The following KIAA1549L variants were observed in gnomAD, a reference collection of about 807,000 sequenced individuals.
The protein encoded by KIAA1549L is KIAA1549 like, also known as UPF0606 protein KIAA1549L.
Under a neutral mutation model 160.7 loss-of-function variants are expected in KIAA1549L, and 88 were observed. The observed-to-expected ratio is 0.55, with a 90% confidence interval of 0.46 to 0.65. The LOEUF (loss-of-function observed/expected upper bound fraction) is 0.65. KIAA1549L is among the 30% of genes least tolerant of loss of function. KIAA1549L has a pLI of 0.00. For missense variants in KIAA1549L, 2,258 were observed against 2,437.5 expected (o/e 0.93, Z 1.55); for synonymous variants, 950 against 976.7 (o/e 0.97, Z 0.51).
chr11:33,618,839 G>C (rs1191256077), intron 16 of KIAA1549L, among the ~76,000 whole-genome samples, 177 bp downstream of exon 16: 1 of 152,230 alleles, frequency 6.6e-6, no homozygotes, highest in Non-Finnish European at 1.5e-5. Context: ...GAATGTGTCA[G>C]AGTAACAGAT....
intron 1 of KIAA1549L, chr11:33,403,233 AAACACACATATG>A (rs1850541530): frequency 4.8e-5 from 7 of 145,002 alleles, no homozygotes; most frequent in East Asian, 2.0e-4. Flanking sequence ...ACACAGACAC[AAACACACATATG>A]CAGACACACA....
chr11:33,568,969 A>C (rs1330117850), intron 9 of KIAA1549L, among the ~76,000 whole-genome samples: 1 of 152,166 alleles, frequency 6.6e-6, no homozygotes, highest in Non-Finnish European at 1.5e-5. Context: ...GTTTTAGATC[A>C]TTTTCAGAGC....
chr11:33,599,090 C>T (rs112118523), intron 13 of KIAA1549L, 143 bp downstream of exon 13: 9 of 940,160 alleles, frequency 9.6e-6, no homozygotes, highest in Middle Eastern at 6.8e-4. Context: ...CCCACAAGGG[C>T]CAGGAGTCTG....
At chr11:33,544,495 A>G in intron 2 of KIAA1549L, 159 bp downstream of exon 2, 1 of 817,748 alleles carries the variant, frequency 1.2e-6, no homozygotes, top group Non-Finnish European at 1.9e-6. Context: ...CCAAGTAGTC[A>G]CCTCATTGAT....
intron 1 of KIAA1549L, among the ~76,000 whole-genome samples, chr11:33,399,987 C>T (rs767358956): frequency 1.3e-5 from 2 of 152,174 alleles, no homozygotes; most frequent in South Asian, 2.1e-4. Flanking sequence ...GCTAGGAAAT[C>T]GACTTTTAAT....
intron 17 of KIAA1549L, among the ~76,000 whole-genome samples, chr11:33,647,921 C>T (rs901656633): frequency 2.6e-5 from 4 of 152,168 alleles, no homozygotes; most frequent in African/African-American, 9.7e-5. Flanking sequence ...AATGAAGCCA[C>T]CTACAGTGGA....
intron 1 of KIAA1549L, among the ~76,000 whole-genome samples, chr11:33,436,400 A>T (rs746204312): frequency 4.6e-5 from 7 of 152,212 alleles, no homozygotes; most frequent in Non-Finnish European, 7.3e-5. Context: ...CCCAGCTTGA[A>T]GGCAGTCAGA....
intron 14 of KIAA1549L, among the ~76,000 whole-genome samples, chr11:33,608,243 G>C (rs896929702): frequency 6.6e-6 from 1 of 152,124 alleles, no homozygotes; most frequent in Non-Finnish European, 1.5e-5. Flanking sequence ...AGATCAAATT[G>C]TTTAATATAT....
chr11:33,573,073 T>G (rs1241102632), intron 9 of KIAA1549L, among the ~76,000 whole-genome samples: 2 of 152,234 alleles, frequency 1.3e-5, no homozygotes, highest in Non-Finnish European at 2.9e-5. Flanking sequence ...TCAGACATCT[T>G]CCTTTGTGAA....
At chr11:33,445,176 A>G (rs1465386392) in intron 1 of KIAA1549L, among the ~76,000 whole-genome samples, 4 of 152,180 alleles carry the variant, frequency 2.6e-5, no homozygotes, top group African/African-American at 7.2e-5. Flanking sequence ...ACCAAGAAGG[A>G]CTGAGTCTGA....
intron 1 of KIAA1549L, among the ~76,000 whole-genome samples, chr11:33,541,411 GTTC>G (rs1222461402): frequency 1.3e-5 from 2 of 152,190 alleles, no homozygotes; most frequent in Non-Finnish European, 2.9e-5. Flanking sequence ...TGAATACACA[GTTC>G]TTCTTTAGTT....
intron 3 of KIAA1549L, among the ~76,000 whole-genome samples, 172 bp downstream of exon 3, chr11:33,545,550 T>A (rs369342146): frequency 6.6e-6 from 1 of 152,222 alleles, no homozygotes; most frequent in South Asian, 2.1e-4. Context: ...TGGCTGGAGA[T>A]ACTACTAAAA....
At chr11:33,588,628 G>A (rs1425861274) in intron 11 of KIAA1549L, among the ~76,000 whole-genome samples, 7 of 152,158 alleles carry the variant, frequency 4.6e-5, no homozygotes, top group Admixed American at 4.6e-4. Context: ...ATTATGGAAG[G>A]AGCAGGCAAT....
At chr11:33,489,067 A>T (rs1472772809) in intron 1 of KIAA1549L, among the ~76,000 whole-genome samples, 1 of 152,210 alleles carries the variant, frequency 6.6e-6, no homozygotes, top group East Asian at 1.9e-4. Context: ...TCGTTGGGTG[A>T]TGCTAGCCAC....
At chr11:33,558,859 A>C (rs1854740670) in intron 6 of KIAA1549L, among the ~76,000 whole-genome samples, 1 of 148,660 alleles carries the variant, frequency 6.7e-6, no homozygotes, top group Non-Finnish European at 1.5e-5. Flanking sequence ...TTTTTTGAAG[A>C]ATCTTGCTCT....
At chr11:33,509,758 G>T (rs1310270572) in intron 1 of KIAA1549L, among the ~76,000 whole-genome samples, 2 of 152,182 alleles carry the variant, frequency 1.3e-5, no homozygotes, top group Non-Finnish European at 1.5e-5. Context: ...TTATAGCCAG[G>T]ACATGGTGTG....
Position 33,531,140 on chromosome 11 carries a change from TAAA to T in KIAA1549L, c.239-10659_239-10657del, listed in dbSNP as rs1020721811. 1.3e-3 allele frequency among the ~76,000 whole-genome samples: 196 copies of T among 152,300 alleles called. 1 individual carries two copies. Among genetic ancestry groups the T allele is most frequent in the African/African-American group, 4.5e-3 (187 of 41,566 alleles). ...CTGTAATGATCATGTAAACCCAGGT[TAAA>T]AAGAAGTGAAAGTGAAATTCTATTA... On this transcript the variant is annotated intron_variant, in intron 1 of 20. Transcript: ENST00000658780.
chr11:33,552,547 G>A (rs948128086), intron 6 of KIAA1549L, among the ~76,000 whole-genome samples: 2 of 151,936 alleles, frequency 1.3e-5, no homozygotes, highest in Non-Finnish European at 2.9e-5. Context: ...TCTAATATAA[G>A]ATGAATAAAT....
chr11:33,482,193 A>G (rs1852424307), intron 1 of KIAA1549L, among the ~76,000 whole-genome samples: 1 of 152,076 alleles, frequency 6.6e-6, no homozygotes. Flanking sequence ...GGATTATTTT[A>G]TACCCTCAAT....
Sources: allele counts gnomAD v4.1 joint callset (sites outside exome capture counted in the v4.1 genomes callset), GRCh38; gene constraint gnomAD v4.1.1; transcripts MANE v1.5; gene names NCBI Gene and HGNC (gene_info 2026-07-23, HGNC 2026-07-21).